Variants in LARP6 observed in about 807,000 individuals in gnomAD.
LARP6 encodes La ribonucleoprotein 6, translational regulator.
LARP6 carries 18 observed loss-of-function variants against 32.8 expected under a neutral mutation model. The observed-to-expected ratio is 0.55, with a 90% confidence interval of 0.38 to 0.81. The LOEUF is 0.81. LARP6 is among the 40% of genes least tolerant of loss of function. The probability of loss-of-function intolerance (pLI) is 0.00; values close to 1 mark genes in which losing one functional copy is unlikely to be tolerated. For synonymous variants in LARP6, 289 were observed against 267.2 expected, an observed-to-expected ratio of 1.08 and a Z score of -0.80; for missense variants, 598 against 663.1, an observed-to-expected ratio of 0.90 and a Z score of 1.08.
In LARP6 at chr15:70,831,221, C is replaced by T. The variant is rs2032034471; in HGVS notation, c.*831G>A. The stretch of plus-strand genomic sequence containing the variant: ...CTGGACTGTACACCCTCAGTATACG[C>T]CAAGCTGCCTTTGCTCAGTAAAATT... On this transcript the variant is annotated 3_prime_UTR_variant, in exon 3 of 3. Transcript: ENST00000299213. 1 of 152,272 alleles carries T rather than the reference C, an allele frequency of 6.6e-6. No homozygotes were observed. Among genetic ancestry groups the T allele is most frequent in the Non-Finnish European group, 1.5e-5 (1 of 68,096 alleles). The allele number at this position is 152,272 out of a possible 1,614,324, so 9.4% of individuals were successfully genotyped here.
In LARP6 at chr15:70,832,171, G is replaced by A. The variant is rs761609124; in HGVS notation, c.1357C>T (p.Leu453=). The change falls in exon 3 of 3, where the codon CTG becomes TTG. Residue 453 remains leucine (L), a synonymous_variant. Coordinates refer to ENST00000299213, the MANE Select transcript of LARP6 (RefSeq NM_018357.4). ...GCAGTCTGCATCTTCCGGGAGAGCA[G>A]GGGACTCGTACCGGGGCTTTTCTCC... ...TQEKSPGTSP[L]LSRKMQTADG... 9.9e-6 allele frequency: 16 copies of A among 1,613,666 alleles called. No individual in the cohort carries two copies. Among genetic ancestry groups the A allele is most frequent in the Middle Eastern group, 1.6e-4 (1 of 6,080 alleles).
intron 1 of LARP6, 97 bp from the exon 2 acceptor site, chr15:70,836,602 T>C: frequency 4.3e-6 from 4 of 940,626 alleles, no homozygotes; most frequent in Non-Finnish European, 5.1e-6. Flanking sequence ...TACCTTGGAG[T>C]ATGATGTTAT....
rs562062397 is a variant in LARP6 at position 70,835,706 on chromosome 15, C to G, written c.411+589G>C. Among the ~76,000 whole-genome samples, 3 of 152,316 alleles carry G rather than the reference C, an allele frequency of 2.0e-5. No homozygotes were observed. In the South Asian group the frequency reaches 6.2e-4, roughly 32 times the overall value. On this transcript the variant is annotated intron_variant, in intron 2 of 2. Transcript: ENST00000299213. ...GTCTGTCAACTCTCTGAGAAGTAGACAGTACACAGCCCAAACACTGGATCT... is the reference window on the plus strand; with the variant it reads ...GTCTGTCAACTCTCTGAGAAGTAGAGAGTACACAGCCCAAACACTGGATCT...
chr15:70,851,699 T>G, intron 1 of LARP6: 1 of 1,614,128 alleles, frequency 6.2e-7, no homozygotes, highest in African/African-American at 1.3e-5. Context: ...GCATGGTCCT[T>G]GAATTCACCG....
chr15:70,850,602 T>C (rs2032430985), intron 1 of LARP6, among the ~76,000 whole-genome samples: 1 of 152,200 alleles, frequency 6.6e-6, no homozygotes, highest in Non-Finnish European at 1.5e-5. Flanking sequence ...ACAAATAACT[T>C]GTTAACTGCA....
chr15:70,851,916 C>A, intron 1 of LARP6: 1 of 763,410 alleles, frequency 1.3e-6, no homozygotes, highest in Non-Finnish European at 2.0e-6. Context: ...GGTGGGGGTG[C>A]AGAGGCATGT....
rs2032042196 is a variant in LARP6 at position 70,831,657 on chromosome 15, A to C, written c.*395T>G. The C allele has an allele frequency of 6.4e-6, 1 of 156,474 alleles. No individual in the cohort carries two copies. Among genetic ancestry groups the C allele is most frequent in the African/African-American group, 2.4e-5 (1 of 41,642 alleles). The allele number at this position is 156,474 out of a possible 1,614,324, so 9.7% of individuals were successfully genotyped here. ...CTGTTGCACAAGAGAACTTTCCTGA[A>C]CTCTCAGGAAGCCCTTGCATGGCCT... On this transcript the variant is annotated 3_prime_UTR_variant, in exon 3 of 3. Transcript: ENST00000299213.
Position 70,832,290 on chromosome 15 carries a change from A to G in LARP6, c.1238T>C (p.Phe413Ser). ...RLNCSTSPEI[F>S]RKCMDYSSDS... is the part of the protein sequence containing the mutation. ...AGAGGAATAATCCATACACTTGCGG[A>G]AGATCTCAGGGCTGGTGCTGCAGTT... Residue 413 changes from phenylalanine to serine, a missense_variant, in exon 3 of 3, where the codon TTC becomes TCC. By Grantham distance (155) the Phe-to-Ser change is radical (BLOSUM62 -2). Transcript: ENST00000299213. 1 of 1,614,214 alleles carries G rather than the reference A, an allele frequency of 6.2e-7. No individual in the cohort carries two copies. The highest frequency in any genetic ancestry group is 8.5e-7 in the Non-Finnish European group (1 of 1,180,026).
Position 70,854,124 on chromosome 15 carries a change from G to A in LARP6, c.-36C>T. On this transcript the variant is annotated 5_prime_UTR_variant, in exon 1 of 3. Coordinates refer to ENST00000299213, the MANE Select transcript of LARP6 (RefSeq NM_018357.4). The stretch of plus-strand genomic sequence containing the variant: ...ACTGCGGCGCCGCCGGGGTCCTCAC[G>A]CCGCAAGGCCCAGCCAGCCGGTCGG... The A allele has an allele frequency of 8.2e-7, 1 of 1,220,128 alleles. No homozygotes were observed. The highest frequency in any genetic ancestry group is 1.0e-6 in the Non-Finnish European group (1 of 977,092). 75.6% of individuals were successfully genotyped at this position (1,220,128 alleles called of 1,614,324 possible).
rs528755674 is a variant in LARP6 at position 70,838,526 on chromosome 15, G to A, written c.201-2021C>T. On this transcript the variant is annotated intron_variant, in intron 1 of 2. Coordinates refer to ENST00000299213, the MANE Select transcript of LARP6 (RefSeq NM_018357.4). ...TGGACTCTGGAAACAATCCCATCAC[G>A]GGGTCTCTTCTTAATAAAGCCCACT... Among the ~76,000 whole-genome samples the A allele has an allele frequency of 4.6e-5, 7 of 152,092 alleles. No homozygotes were observed. The South Asian group carries it at 8.3e-4, about 18-fold the overall frequency.
chr15:70,841,059 G>A (rs1292215747), intron 1 of LARP6, among the ~76,000 whole-genome samples: 2 of 151,868 alleles, frequency 1.3e-5, no homozygotes, highest in Admixed American at 6.6e-5. Context: ...GATTACAGGC[G>A]CCCGCCACCG....
intron 1 of LARP6, among the ~76,000 whole-genome samples, chr15:70,841,828 G>C (rs373766905): frequency 1.3e-5 from 2 of 152,132 alleles, no homozygotes; most frequent in Non-Finnish European, 1.5e-5. Context: ...AGCCTGCAGA[G>C]CCAAGAGCCA....
In LARP6 at chr15:70,832,896, T is replaced by G. The variant is rs764466028; in HGVS notation, c.632A>C (p.Glu211Ala). 6.2e-7 allele frequency: 1 copy of G among 1,606,744 alleles called. No individual in the cohort carries two copies. Among genetic ancestry groups the G allele is most frequent in the Non-Finnish European group, 8.5e-7 (1 of 1,176,810 alleles). The change falls in exon 3 of 3, where the codon GAG becomes GCG. Residue 211 changes from glutamate (E) to alanine (A), a missense_variant. Physicochemically the swap from Glu to Ala is moderately radical, Grantham distance 107. Around this residue, in one of 3 missense-constraint regions of LARP6, gnomAD observed 368 missense variants for 397.9 expected, o/e 0.92. Transcript: ENST00000299213. ...CTTGAGCAGGTGTTCCATCACCTTC[T>G]CTTGCACCCTTCCATTCTTCTGGGG... ...ATPQKNGRVQ[E>A]KVMEHLLKLF...
intron 1 of LARP6, among the ~76,000 whole-genome samples, chr15:70,840,710 G>T (rs1353546754): frequency 6.6e-6 from 1 of 152,074 alleles, no homozygotes; most frequent in African/African-American, 2.4e-5. Flanking sequence ...CAGACTCAGG[G>T]GTATTGGCAA....
In LARP6 at chr15:70,832,359, TTGCGTTGGGCCAAGGG is replaced by T; in HGVS notation, c.1153_1168del (p.Pro385LysfsTer15). 6.2e-7 allele frequency: 1 copy of T among 1,614,084 alleles called. No individual in the cohort carries two copies. Among genetic ancestry groups the T allele is most frequent in the Non-Finnish European group, 8.5e-7 (1 of 1,179,950 alleles). On this transcript the variant is annotated frameshift_variant, in exon 3 of 3. Transcript: ENST00000299213. LOFTEE classifies it high-confidence loss of function. ...CAGTGGGGACTTTCTGGAAACGCCT[TTGCGTTGGGCCAAGGG>T]GCTGCTCCAAGGACTTGTGCACGGG... is the stretch of plus-strand genomic sequence containing the variant.
intron 1 of LARP6, among the ~76,000 whole-genome samples, chr15:70,840,896 A>G (rs2032241601): frequency 6.7e-6 from 1 of 149,536 alleles, no homozygotes; most frequent in South Asian, 2.1e-4. Flanking sequence ...AAGGCAGTAT[A>G]ATTTCTCTTT....
At chr15:70,834,424 C>T (rs2032110624) in intron 2 of LARP6, among the ~76,000 whole-genome samples, 1 of 152,268 alleles carries the variant, frequency 6.6e-6, no homozygotes, top group African/African-American at 2.4e-5. Context: ...ACTGCGGGTG[C>T]GTGTGAGGCT....
At chr15:70,848,155 T>G (rs920785504) in intron 1 of LARP6, among the ~76,000 whole-genome samples, 1 of 152,202 alleles carries the variant, frequency 6.6e-6, no homozygotes, top group Non-Finnish European at 1.5e-5. Flanking sequence ...TCAACTTTGT[T>G]AAAGGCATCA....
chr15:70,834,537 C>T (rs1398228044), intron 2 of LARP6, among the ~76,000 whole-genome samples: 1 of 152,202 alleles, frequency 6.6e-6, no homozygotes, highest in East Asian at 1.9e-4. Context: ...GAGACAATTT[C>T]CTAAGCCTGA....
Sources: allele counts gnomAD v4.1 joint callset (sites outside exome capture counted in the v4.1 genomes callset), GRCh38; gene constraint gnomAD v4.1.1; regional missense constraint gnomAD v4.1.1; transcripts MANE v1.5; gene names NCBI Gene and HGNC (gene_info 2026-07-23, HGNC 2026-07-21).